The following RPUSD4 variants were observed in gnomAD, a reference collection of about 807,000 sequenced individuals.
RPUSD4 encodes pseudouridylate synthase RPUSD4, mitochondrial.
A neutral mutation model predicts 35.4 loss-of-function variants in RPUSD4; 37 were observed. The observed-to-expected ratio is 1.04, with a 90% CI of 0.80 to 1.37. The LOEUF (loss-of-function observed/expected upper bound fraction) is 1.37, where lower values mean the gene tolerates loss of function less well. Among genes scored for constraint, RPUSD4 ranks in the 40% most tolerant of loss-of-function variants. RPUSD4 has a pLI of 0.00. For missense variants in RPUSD4, 507 were observed against 484.9 expected, an observed-to-expected ratio of 1.05 and a Z score of -0.43; for synonymous variants, 210 against 192.7, an observed-to-expected ratio of 1.09 and a Z score of -0.74.
At position 126,205,454 on chromosome 11, in the gene RPUSD4, A is replaced by C. The variant is rs761573135; in HGVS notation, c.796+14T>G. The stretch of plus-strand genomic sequence containing the variant: ...GGGTTTTGTGATCCCACTGCGGAAA[A>C]GTGACACTCTCACCAGTGATGGGCT... On this transcript the variant is annotated intron_variant, in intron 5 of 6. Coordinates refer to ENST00000298317, the MANE Select transcript of RPUSD4 (RefSeq NM_032795.3). The C allele has an allele frequency of 6.2e-7, 1 of 1,613,980 alleles. No individual in the cohort carries two copies. The highest frequency in any genetic ancestry group is 1.1e-5 in the South Asian group (1 of 91,080).
At position 126,210,937 on chromosome 11, in the gene RPUSD4, T is replaced by A. The variant is rs757622082; in HGVS notation, c.308A>T (p.Asp103Val). 5 of 1,614,190 alleles carry A rather than the reference T, an allele frequency of 3.1e-6. No individual in the cohort carries two copies. The highest frequency in any genetic ancestry group is 3.4e-6 in the Non-Finnish European group (4 of 1,180,022). ...KALTRGILHQ[D>V]KNLVVINKPY... Reference sequence around the variant, plus strand: ...CTTATTGATGACCACAAGGTTCTTGTCCTGGTGGAGAATTCCTCGGGTCAG... The same window carrying A: ...CTTATTGATGACCACAAGGTTCTTGACCTGGTGGAGAATTCCTCGGGTCAG... Residue 103 changes from aspartate (D) to valine (V), a missense_variant, in exon 2 of 7, where the codon GAC (aspartate) becomes GTC (valine). By Grantham distance (152) the Asp-to-Val change is radical. Coordinates refer to ENST00000298317, the MANE Select transcript of RPUSD4 (RefSeq NM_032795.3).
intron 2 of RPUSD4, among the ~76,000 whole-genome samples, chr11:126,210,688 T>G (rs1037729013): frequency 6.6e-6 from 1 of 152,122 alleles, no homozygotes. Flanking sequence ...AATTGCTTAC[T>G]GTCAGATGTT....
chr11:126,205,162 T>C (rs1949757571), intron 5 of RPUSD4, among the ~76,000 whole-genome samples: 1 of 152,246 alleles, frequency 6.6e-6, no homozygotes, highest in Admixed American at 6.5e-5. Context: ...AACGCTGCTA[T>C]GAATATGTGT....
chr11:126,206,461 G>A (rs915942348), intron 3 of RPUSD4: 1 of 152,256 alleles, frequency 6.6e-6, no homozygotes, highest in African/African-American at 2.4e-5. Context: ...GGAGGCTGAG[G>A]CATGAGAATC....
chr11:126,204,630 C>T (rs989830846), intron 5 of RPUSD4, among the ~76,000 whole-genome samples: 2 of 152,168 alleles, frequency 1.3e-5, no homozygotes, highest in Admixed American at 1.3e-4. Flanking sequence ...AGTAATTTTA[C>T]TACATAAGTA....
chr11:126,205,393 C>A, intron 5 of RPUSD4, 75 bp downstream of exon 5: 1 of 1,579,140 alleles, frequency 6.3e-7, no homozygotes, highest in Non-Finnish European at 8.7e-7. Flanking sequence ...CTACTAGCTG[C>A]TCAGAACGAG....
chr11:126,205,439 A>T (rs1949761160), intron 5 of RPUSD4, 29 bp downstream of exon 5: 5 of 1,613,252 alleles, frequency 3.1e-6, no homozygotes, highest in Non-Finnish European at 3.4e-6. Flanking sequence ...GGGTTTTGTG[A>T]TCCCACTGCG....
rs563745613 is a variant in RPUSD4 at position 126,203,154 on chromosome 11, G to T, written c.*264C>A. ...GCTCTGTTCCATATTGGCAATGAGA[G>T]CCCACGGCAGGGAGACTTCCAGCAG... On this transcript the variant is annotated 3_prime_UTR_variant, in exon 7 of 7. Coordinates refer to ENST00000298317, the MANE Select transcript of RPUSD4 (RefSeq NM_032795.3). The T allele has an allele frequency of 1.1e-4, 48 of 425,074 alleles. 1 individual carries two copies. Among genetic ancestry groups the T allele is most frequent in the African/African-American group, 8.9e-4 (45 of 50,518 alleles). 26.3% of individuals were successfully genotyped at this position (425,074 alleles called of 1,614,324 possible).
At chr11:126,207,868 T>TAA (rs200276798) in intron 3 of RPUSD4, among the ~76,000 whole-genome samples, 4 of 143,758 alleles carry the variant, frequency 2.8e-5, no homozygotes, top group African/African-American at 1.0e-4. Context: ...CGGTCTTAAA[T>TAA]AAAAAAAAAT....
At chr11:126,211,342 G>T in intron 1 of RPUSD4, 108 bp downstream of exon 1, 1 of 1,250,962 alleles carries the variant, frequency 8.0e-7, no homozygotes. Context: ...CCTTGCGTCC[G>T]GGCTATTGAC....
intron 2 of RPUSD4, among the ~76,000 whole-genome samples, chr11:126,210,533 ACACACACACACACACACC>A (rs772648131): frequency 0.011 from 1,631 of 151,558 alleles, 15 homozygotes; most frequent in Non-Finnish European, 0.017. Context: ...ACACACACAC[ACACACACACACACACACC>A]CCCTTTTTTC....
chr11:126,208,448 G>A (rs145398348), intron 3 of RPUSD4, among the ~76,000 whole-genome samples: 23 of 152,344 alleles, frequency 1.5e-4, no homozygotes, highest in Non-Finnish European at 2.6e-4. Context: ...AACTCTGGAA[G>A]TTTACAGAAG....
At chr11:126,210,551 C>CACACACACACACACA (rs369874015) in intron 2 of RPUSD4, among the ~76,000 whole-genome samples, 123 of 145,576 alleles carry the variant, frequency 8.4e-4, no homozygotes, top group African/African-American at 1.8e-3. Flanking sequence ...ACACACACAC[C>CACACACACACACACA]CCCTTTTTTC....
rs1043813935 is a variant in RPUSD4 at position 126,203,329 on chromosome 11, C to T, written c.*89G>A. ...TTAGCAGAGTCCTGTAAACAAAGAA[C>T]AGTTCAGGGGCCAACCTGCGCTCCC... On this transcript the variant is annotated 3_prime_UTR_variant, in exon 7 of 7. Transcript: ENST00000298317. The T allele has an allele frequency of 2.3e-5, 35 of 1,545,958 alleles. No homozygotes were observed. The highest frequency in any genetic ancestry group is 1.4e-4 in the Admixed American group (8 of 56,408).
chr11:126,210,437 T>A (rs1283324344), intron 2 of RPUSD4, among the ~76,000 whole-genome samples: 5 of 152,012 alleles, frequency 3.3e-5, no homozygotes, highest in African/African-American at 9.7e-5. Flanking sequence ...GACAACTACA[T>A]GCAACATCTG....
intron 5 of RPUSD4, 83 bp from the exon 6 acceptor site, chr11:126,204,411 G>A (rs1311413713): frequency 5.1e-6 from 5 of 988,706 alleles, no homozygotes; most frequent in Admixed American, 2.4e-5. Flanking sequence ...GCTTCAAATC[G>A]TGTTACATCA....
In RPUSD4 at chr11:126,211,528, G is replaced by A. The variant is rs1345522603; in HGVS notation, c.111C>T (p.Ala37=). 1.9e-6 allele frequency: 3 copies of A among 1,613,838 alleles called. No individual in the cohort carries two copies. The highest frequency in any genetic ancestry group is 2.7e-5 in the African/African-American group (2 of 74,948). The change falls in exon 1 of 7, where the codon GCC becomes GCT. Residue 37 remains alanine, a synonymous_variant. Transcript: ENST00000298317. ...VSKPFCAAAA[A]STAINAQRLA... is the part of the protein sequence containing the mutation. The stretch of plus-strand genomic sequence containing the variant: ...ATCTCTGGGCATTTATGGCCGTAGA[G>A]GCAGCGGCAGCGGCACAAAATGGCT...
chr11:126,203,731 A>C, intron 6 of RPUSD4, 74 bp from the exon 7 acceptor site: 1 of 1,533,294 alleles, frequency 6.5e-7, no homozygotes, highest in Non-Finnish European at 8.7e-7. Flanking sequence ...AGGTCAGGGC[A>C]CTTCTACTTA....
chr11:126,209,398 T>C, intron 3 of RPUSD4, 123 bp downstream of exon 3: 1 of 783,872 alleles, frequency 1.3e-6, no homozygotes, highest in South Asian at 1.7e-5. Flanking sequence ...ACATATTTTT[T>C]ACAATCTCGC....
Sources: allele counts gnomAD v4.1 joint callset (sites outside exome capture counted in the v4.1 genomes callset), GRCh38; gene constraint gnomAD v4.1.1; transcripts MANE v1.5; gene names NCBI Gene and HGNC (gene_info 2026-07-23, HGNC 2026-07-21).